Variants in SLC12A7 observed in about 807,000 individuals in gnomAD.
The protein encoded by SLC12A7 is solute carrier family 12 member 7, also known as K-Cl cotransporter 4.
A neutral mutation model predicts 120.6 loss-of-function variants in SLC12A7; 100 were observed. The ratio of observed to expected loss-of-function variants is 0.83; its 90% CI spans 0.71 to 0.98. The LOEUF is 0.98. Among genes scored for constraint, SLC12A7 ranks in the 50% least tolerant of loss-of-function variants. The pLI is 0.00. For synonymous variants in SLC12A7, 760 were observed against 678.0 expected (o/e 1.12, Z -1.88); for missense variants, 1,373 against 1,548.1 (o/e 0.89, Z 1.90).
At chr5:1,057,810 C>G (rs992562747) in intron 21 of SLC12A7, among the ~76,000 whole-genome samples, 161 bp from the exon 22 acceptor site, 1 of 152,164 alleles carries the variant, frequency 6.6e-6, no homozygotes, top group Non-Finnish European at 1.5e-5. Flanking sequence ...GGTCCTGCGC[C>G]GCCCCCGTGA....
upstream of SLC12A7, among the ~76,000 whole-genome samples, chr5:1,116,839 G>C (rs939842181): frequency 1.4e-4 from 21 of 151,288 alleles, no homozygotes; most frequent in Non-Finnish European, 5.9e-5. Flanking sequence ...CTTCTTTCCC[G>C]TGAAGCTTGG....
At chr5:1,150,404 G>C in the SLC12A7 span, among the ~76,000 whole-genome samples, 4 of 152,018 alleles carry the variant, frequency 2.6e-5, no homozygotes, top group African/African-American at 7.2e-5. Flanking sequence ...GAGGCACCTG[G>C]GTGGAGCCCT....
At chr5:1,062,204 G>A (rs567720193) in intron 20 of SLC12A7, among the ~76,000 whole-genome samples, 1 of 152,324 alleles carries the variant, frequency 6.6e-6, no homozygotes, top group African/African-American at 2.4e-5. Flanking sequence ...GGCTCACTTT[G>A]CCTGTTTCCT....
At chr5:1,073,391 C>T (rs1007473750) in intron 17 of SLC12A7, among the ~76,000 whole-genome samples, 7 of 152,192 alleles carry the variant, frequency 4.6e-5, no homozygotes, top group Admixed American at 2.0e-4. Flanking sequence ...CGGGAGGAGG[C>T]GGTCCCAGGG....
At position 1,077,698 on chromosome 5, in the gene SLC12A7, CA is replaced by C. The variant is rs371868961; in HGVS notation, c.1629+134del. ...CCACTCCCATGCTCTGTGCAGTGGC[CA>C]GGGGCAGAATGACCACCATGGGGTC... On this transcript the variant is annotated intron_variant, in intron 12 of 23. Transcript: ENST00000264930. The C allele has an allele frequency of 1.4e-3, 1,330 of 928,486 alleles. 18 individuals carry two copies. The highest frequency in any genetic ancestry group is 0.012 in the South Asian group (683 of 55,358). The allele number at this position is 928,486 out of a possible 1,614,324, so 57.5% of individuals were successfully genotyped here. A position where few individuals can be genotyped will look rare whatever the true frequency, so the allele number is the denominator to read the frequency against.
In SLC12A7 at chr5:1,086,889, A is replaced by G. The variant is rs1372867705; in HGVS notation, c.675+14T>C. 1 of 1,611,816 alleles carries G rather than the reference A, an allele frequency of 6.2e-7. No homozygotes were observed. The highest frequency in any genetic ancestry group is 8.5e-7 in the Non-Finnish European group (1 of 1,179,264). On this transcript the variant is annotated intron_variant, in intron 6 of 23. Transcript: ENST00000264930. ...GACTGTGGGGTGGGAACCCTTCCAA[A>G]GCAGCACACTTACCAGAAAAATCTC...
At chr5:1,145,535 A>G in the SLC12A7 span, among the ~76,000 whole-genome samples, 1 of 152,164 alleles carries the variant, frequency 6.6e-6, no homozygotes, top group Non-Finnish European at 1.5e-5. The surrounding 1 kb of genome is among the most constrained non-coding windows in gnomAD (Gnocchi z 4.4). Context: ...CAGCCCCTTC[A>G]CTGACCTTTC....
At chr5:1,112,356 C>G (rs1351549865), upstream of SLC12A7, among the ~76,000 whole-genome samples, 2 of 51,592 alleles carry the variant, frequency 3.9e-5, no homozygotes, top group African/African-American at 6.0e-5. Context: ...CCCCGGCCCC[C>G]TCCCCGCCTC....
At chr5:1,132,389 G>A in the SLC12A7 span, among the ~76,000 whole-genome samples, 6 of 152,024 alleles carry the variant, frequency 3.9e-5, no homozygotes, top group African/African-American at 1.2e-4. Flanking sequence ...GTCCTTGGTC[G>A]GGGAGCCATT....
the SLC12A7 span, among the ~76,000 whole-genome samples, chr5:1,118,986 G>C: frequency 6.6e-6 from 1 of 152,150 alleles, no homozygotes; most frequent in Non-Finnish European, 1.5e-5. Flanking sequence ...CCAGAGGAAT[G>C]TTCTGGGGGA....
intron 20 of SLC12A7, 137 bp from the exon 21 acceptor site, chr5:1,060,588 C>T (rs529353447): frequency 1.5e-6 from 1 of 658,980 alleles, no homozygotes; most frequent in East Asian, 2.7e-5. Context: ...CAGGCCCCCT[C>T]TGGCTCTCAG....
chr5:1,141,429 TGCTGCCACGGGCACCACA>T, the SLC12A7 span, among the ~76,000 whole-genome samples: 1 of 151,898 alleles, frequency 6.6e-6, no homozygotes, highest in Non-Finnish European at 1.5e-5. Flanking sequence ...CAGCCGTCCC[TGCTGCCACGGGCACCACA>T]GCCGCCATGG....
upstream of SLC12A7, among the ~76,000 whole-genome samples, chr5:1,115,957 G>A (rs527593975): frequency 6.7e-6 from 1 of 148,246 alleles, no homozygotes; most frequent in Admixed American, 6.6e-5. Flanking sequence ...TAAGCGTGGT[G>A]AGCCTCTCCT....
Position 1,060,389 on chromosome 5 carries a change from C to T in SLC12A7, c.2802G>A (p.Gln934=), listed in dbSNP as rs745574776. The change falls in exon 21 of 24, where the codon CAG becomes CAA. Residue 934 remains glutamine (Q), a synonymous_variant. Transcript: ENST00000264930. ...ERTLMMEQRS[Q]MLKQMQLSKN... ...TGGACAGCTGCATCTGCTTCAGCATCTGCGACCTCTGCTCCATCATTAGTG... is the reference window on the plus strand; with the variant it reads ...TGGACAGCTGCATCTGCTTCAGCATTTGCGACCTCTGCTCCATCATTAGTG... 3 of 1,613,688 alleles carry T rather than the reference C, an allele frequency of 1.9e-6. No homozygotes were observed. In the African/African-American group the frequency reaches 4.0e-5, roughly 22 times the overall value.
At chr5:1,061,898 G>A (rs1398983615) in intron 20 of SLC12A7, among the ~76,000 whole-genome samples, 1 of 152,216 alleles carries the variant, frequency 6.6e-6, no homozygotes, top group Non-Finnish European at 1.5e-5. Context: ...GGAGGTGGAG[G>A]TTCCAGCCTT....
chr5:1,132,538 TTTTTC>T, the SLC12A7 span, among the ~76,000 whole-genome samples: 2 of 152,172 alleles, frequency 1.3e-5, no homozygotes, highest in African/African-American at 4.8e-5. Context: ...TAACAGTTCT[TTTTTC>T]TTTTCTTTTT....
At chr5:1,099,622 T>C (rs1314039040) in intron 1 of SLC12A7, among the ~76,000 whole-genome samples, 2 of 152,124 alleles carry the variant, frequency 1.3e-5, no homozygotes, top group African/African-American at 4.8e-5. Flanking sequence ...GACGAACCCG[T>C]TTCTGACTTA....
chr5:1,054,967 A>G (rs75524305), intron 22 of SLC12A7, among the ~76,000 whole-genome samples: 2,401 of 152,296 alleles, frequency 0.016, 78 homozygotes, highest in African/African-American at 0.055. Context: ...CCAGGAAGTG[A>G]AAGCAGGCCA....
upstream of SLC12A7, among the ~76,000 whole-genome samples, chr5:1,112,692 C>T (rs1368232653): frequency 1.8e-5 from 2 of 114,122 alleles, no homozygotes; most frequent in Non-Finnish European, 3.6e-5. Flanking sequence ...CCACACAGTC[C>T]GCCCACCCAC....
Sources: gnomAD v4.1 joint callset for allele counts (sites outside exome capture counted in the v4.1 genomes callset) on GRCh38, gnomAD v4.1.1 for gene constraint, Gnocchi (gnomAD v3.1) non-coding constraint, MANE v1.5 for transcripts, NCBI Gene and HGNC (gene_info 2026-07-23, HGNC 2026-07-21) for gene names.